The following ZNF678 variants were observed in gnomAD, a reference collection of about 807,000 sequenced individuals.
The protein encoded by ZNF678 is hypothetical protein MGC42493.
In ZNF678, 5 loss-of-function variants were observed where a neutral mutation model predicts 3.0. The ratio of observed to expected loss-of-function variants is 1.69; its 90% CI spans 0.88 to 3.56. ZNF678 has a LOEUF of 3.56. Among genes scored for constraint, ZNF678 ranks in the 30% most tolerant of loss-of-function variants. ZNF678 has a pLI of 0.00. For synonymous variants in ZNF678, 218 were observed against 199.6 expected (o/e 1.09, Z -0.78); for missense variants, 593 against 605.0 (o/e 0.98, Z 0.21).
rs1457277195 is a variant in ZNF678 at position 227,656,870 on chromosome 1, C to G, written c.*1042C>G. On this transcript the variant is annotated 3_prime_UTR_variant, in exon 4 of 4. Coordinates refer to ENST00000343776, the MANE Select transcript of ZNF678 (RefSeq NM_001367909.1). ...TTTGCATTGAATGAAGTATATCTTG[C>G]CACAATAATTAACCTATACCACCTT... The G allele has an allele frequency of 1.3e-5, 2 of 151,798 alleles. No homozygotes were observed. Among genetic ancestry groups the G allele is most frequent in the African/African-American group, 2.4e-5 (1 of 41,356 alleles). The allele number at this position is 151,798 out of a possible 1,614,324, so 9.4% of individuals were successfully genotyped here. A position where few individuals can be genotyped will look rare whatever the true frequency, so the allele number is the denominator to read the frequency against.
intron 1 of ZNF678, among the ~76,000 whole-genome samples, chr1:227,581,730 C>T (rs1657133194): frequency 6.6e-6 from 1 of 152,076 alleles, no homozygotes; most frequent in Non-Finnish European, 1.5e-5. Context: ...CTTTTTAGTG[C>T]ATGTCTTTGT....
intron 1 of ZNF678, among the ~76,000 whole-genome samples, chr1:227,615,678 T>G (rs185905301): frequency 1.3e-5 from 2 of 152,344 alleles, no homozygotes; most frequent in Non-Finnish European, 2.9e-5. Flanking sequence ...CTGATGTCCC[T>G]CCTCAAATTG....
chr1:227,582,147 A>T (rs115242268), intron 1 of ZNF678, among the ~76,000 whole-genome samples: 12 of 151,042 alleles, frequency 7.9e-5, no homozygotes, highest in Non-Finnish European at 1.3e-4. Flanking sequence ...CATTCTGGAT[A>T]CAAGTATATT....
chr1:227,621,217 A>G (rs1002084625), intron 1 of ZNF678, among the ~76,000 whole-genome samples: 2 of 152,162 alleles, frequency 1.3e-5, no homozygotes, highest in African/African-American at 2.4e-5. Context: ...CTGCACTCCA[A>G]CCTGGACAAC....
downstream of ZNF678, among the ~76,000 whole-genome samples, chr1:227,666,520 C>G (rs1318571921): frequency 2.0e-5 from 3 of 152,066 alleles, no homozygotes. Flanking sequence ...TCAAACAGGC[C>G]ATAAATTACA....
chr1:227,674,792 G>A (rs1659654833), intron 5 of ZNF678, among the ~76,000 whole-genome samples: 1 of 151,754 alleles, frequency 6.6e-6, no homozygotes, highest in African/African-American at 2.4e-5. Flanking sequence ...TAGTAGAGAC[G>A]GGGTTTCACC....
At chr1:227,652,615 T>C (rs894958977) in intron 3 of ZNF678, among the ~76,000 whole-genome samples, 3 of 152,132 alleles carry the variant, frequency 2.0e-5, no homozygotes, top group Non-Finnish European at 2.9e-5. Flanking sequence ...TTACAACATA[T>C]AATAAACTGG....
At chr1:227,566,009 C>A (rs746431447) in intron 1 of ZNF678, among the ~76,000 whole-genome samples, 8 of 152,202 alleles carry the variant, frequency 5.3e-5, no homozygotes, top group Non-Finnish European at 1.0e-4. Context: ...GATCCGCCCA[C>A]CTCAGCCTCC....
In ZNF678 at chr1:227,655,971, AT is replaced by A; in HGVS notation, c.*145del. Reference sequence around the variant, plus strand: ...TGAATGAAATTTATAAATATAAAAGATTACAATATCTTTATTTCAAAGATCT... The same window carrying A: ...TGAATGAAATTTATAAATATAAAAGATACAATATCTTTATTTCAAAGATCT... On this transcript the variant is annotated 3_prime_UTR_variant, in exon 4 of 4. Transcript: ENST00000343776. 1.7e-6 allele frequency: 1 copy of A among 580,006 alleles called. No homozygotes were observed. The highest frequency in any genetic ancestry group is 2.7e-6 in the Non-Finnish European group (1 of 366,194). 35.9% of individuals were successfully genotyped at this position (580,006 alleles called of 1,614,324 possible).
chr1:227,581,845 A>C lies in ZNF678; in HGVS notation c.-164+18121A>C, dbSNP rs764325261. Among the ~76,000 whole-genome samples, 17 of 152,314 alleles carry C rather than the reference A, an allele frequency of 1.1e-4. 1 individual carries two copies. The highest frequency in any genetic ancestry group is 9.1e-4 in the Admixed American group (14 of 15,302). ...GTATATACTGCCAAATGGTTTTCTA[A>C]TGTGGTCCTTACAATTTACATTTCC... On this transcript the variant is annotated intron_variant, in intron 1 of 3. Coordinates refer to ENST00000343776, the MANE Select transcript of ZNF678 (RefSeq NM_001367909.1).
rs1407654944 is a variant in ZNF678, at chr1:227,563,893, C to T, written c.-164+169C>T. ...CCTCCCATCACTGCGCCGCGGCTTC[C>T]GCCCCGGCCTCTCTGGGCGGCTATG... is the stretch of plus-strand genomic sequence containing the variant. On this transcript the variant is annotated intron_variant, in intron 1 of 3. Transcript: ENST00000343776. 3.9e-5 allele frequency among the ~76,000 whole-genome samples: 6 copies of T among 152,216 alleles called. 1 individual carries two copies. Among genetic ancestry groups the T allele is most frequent in the Admixed American group, 3.9e-4 (6 of 15,286 alleles).
intron 1 of ZNF678, among the ~76,000 whole-genome samples, chr1:227,624,112 T>C (rs184961765): frequency 1.3e-5 from 2 of 152,360 alleles, no homozygotes; most frequent in Admixed American, 1.3e-4. Context: ...GGTAAAGGTA[T>C]AGATAAAAAT....
intron 1 of ZNF678, among the ~76,000 whole-genome samples, chr1:227,590,784 G>C (rs1558135051): frequency 1.3e-5 from 2 of 151,790 alleles, no homozygotes; most frequent in Non-Finnish European, 2.9e-5. Context: ...GTGGAATTCT[G>C]GGTAGGCCTA....
chr1:227,572,588 A>G lies in ZNF678; in HGVS notation c.-164+8864A>G, dbSNP rs148679852. Among the ~76,000 whole-genome samples the G allele has an allele frequency of 3.9e-4, 59 of 152,324 alleles. No homozygotes were observed. In the East Asian group the frequency reaches 0.011, roughly 27 times the overall value. On this transcript the variant is annotated intron_variant, in intron 1 of 3. Coordinates refer to ENST00000343776, the MANE Select transcript of ZNF678 (RefSeq NM_001367909.1). ...AATCCTAGCTCACATGCCAAGTGCC[A>G]TCATCATCCCGGTACCCAGGGGTGT...
chr1:227,611,412 C>G (rs1180603636), intron 1 of ZNF678, among the ~76,000 whole-genome samples: 1 of 152,192 alleles, frequency 6.6e-6, no homozygotes, highest in African/African-American at 2.4e-5. Flanking sequence ...ATCAGCCTCC[C>G]TCACTCACTC....
chr1:227,635,515 T>TTCTG (rs1553270312), intron 1 of ZNF678, among the ~76,000 whole-genome samples: 1 of 127,936 alleles, frequency 7.8e-6, no homozygotes, highest in Non-Finnish European at 1.6e-5. Context: ...GGGTGAACAT[T>TTCTG]TGTGTGTGTG....
At chr1:227,607,372 C>G (rs574096723) in intron 1 of ZNF678, among the ~76,000 whole-genome samples, 3 of 152,256 alleles carry the variant, frequency 2.0e-5, no homozygotes, top group Admixed American at 6.5e-5. Context: ...ACCTACCACT[C>G]AGACATGTCA....
At chr1:227,613,857 C>T (rs1249548740) in intron 1 of ZNF678, among the ~76,000 whole-genome samples, 1 of 152,168 alleles carries the variant, frequency 6.6e-6, no homozygotes, top group East Asian at 1.9e-4. Context: ...AAAACTGTTT[C>T]TCTGGTGCCA....
chr1:227,597,710 G>A (rs1196180541), intron 1 of ZNF678, among the ~76,000 whole-genome samples: 1 of 152,098 alleles, frequency 6.6e-6, no homozygotes. Flanking sequence ...ATATTGGCAT[G>A]ACAACAGGCT....
Sources: gnomAD v4.1 joint callset for allele counts (sites outside exome capture counted in the v4.1 genomes callset) on GRCh38, gnomAD v4.1.1 for gene constraint, MANE v1.5 for transcripts, NCBI Gene and HGNC (gene_info 2026-07-23, HGNC 2026-07-21) for gene names.